The following TAB3 variants were observed in gnomAD, a reference collection of about 807,000 sequenced individuals.
TAB3 encodes TGF-beta activated kinase 1 (MAP3K7) binding protein 3, also known as TGF-beta-activated kinase 1 and MAP3K7-binding protein 3.
Under a neutral mutation model 48.1 loss-of-function variants are expected in TAB3, and 18 were observed. That is an observed-to-expected ratio of 0.37 (90% CI 0.26 to 0.55). TAB3 has a LOEUF of 0.55. TAB3 is among the 20% of genes least tolerant of loss of function. The pLI is 0.78. For synonymous variants in TAB3, 185 were observed against 190.2 expected (o/e 0.97, Z 0.22); for missense variants, 414 against 549.8 (o/e 0.75, Z 2.47).
Position 30,874,575 on chromosome X carries a change from T to C in TAB3, c.-382-2774A>G, listed in dbSNP as rs181629818. ...CAAGGGTATTTGACATTCACAGGCCTAACGTAAAATAATTGTTCAAGGCTA... is the reference window on the plus strand; with the variant it reads ...CAAGGGTATTTGACATTCACAGGCCCAACGTAAAATAATTGTTCAAGGCTA... On this transcript the variant is annotated intron_variant, in intron 1 of 10. Transcript: ENST00000288422. Among the ~76,000 whole-genome samples the C allele has an allele frequency of 3.0e-3, 340 of 112,177 alleles. 1 individual carries two copies. Among genetic ancestry groups the C allele is most frequent in the Middle Eastern group, 0.028 (6 of 217 alleles).
chrX:30,884,583 A>G lies in TAB3; in HGVS notation c.-383+4531T>C, dbSNP rs190639086. The stretch of plus-strand genomic sequence containing the variant: ...TACTGAAAGTCATTTTTCAAACGAA[A>G]GAGTGGTTTGGAAACCAAAAAAAAA... On this transcript the variant is annotated intron_variant, in intron 1 of 10. Coordinates refer to ENST00000288422, the MANE Select transcript of TAB3 (RefSeq NM_152787.5). Among the ~76,000 whole-genome samples, 430 of 110,222 alleles carry G rather than the reference A, an allele frequency of 3.9e-3. 2 individuals carry two copies. Among genetic ancestry groups the G allele is most frequent in the Middle Eastern group, 9.2e-3 (2 of 217 alleles).
chrX:30,844,542 TA>T (rs1938561185), intron 8 of TAB3: 1 of 112,456 alleles, frequency 8.9e-6, no homozygotes, highest in African/African-American at 3.2e-5. Context: ...ATAAGTATCC[TA>T]ACCAAATGTT....
chrX:30,830,014 A>C lies in TAB3; in HGVS notation c.*1413T>G, dbSNP rs752100495. 4 of 111,450 alleles carry C rather than the reference A, an allele frequency of 3.6e-5. No individual in the cohort carries two copies. Among genetic ancestry groups the C allele is most frequent in the African/African-American group, 9.8e-5 (3 of 30,666 alleles). 9.2% of individuals were successfully genotyped at this position (111,450 alleles called of 1,213,427 possible). ...CCAAAACTCCAATTCTGAGCTAAGA[A>C]GGAACTCCAACAATGGCAGAGACCT... On this transcript the variant is annotated 3_prime_UTR_variant, in exon 11 of 11. Coordinates refer to ENST00000288422, the MANE Select transcript of TAB3 (RefSeq NM_152787.5).
chrX:30,883,451 A>G (rs1397391137), intron 1 of TAB3, among the ~76,000 whole-genome samples: 1 of 110,582 alleles, frequency 9.0e-6, no homozygotes, highest in Non-Finnish European at 1.9e-5. Context: ...GAAGTTCTGT[A>G]AGTAATAGAA....
chrX:30,873,817 A>G (rs931327756), intron 1 of TAB3, among the ~76,000 whole-genome samples: 1 of 112,098 alleles, frequency 8.9e-6, no homozygotes, highest in African/African-American at 3.2e-5. Flanking sequence ...TTAATTGTTT[A>G]TATTACTGAT....
intron 9 of TAB3, chrX:30,836,336 T>C (rs1193064538): frequency 8.0e-5 from 9 of 111,841 alleles, no homozygotes; most frequent in Non-Finnish European, 1.3e-4. Flanking sequence ...CCTAGTCTCT[T>C]TTTTATTAGA....
At chrX:30,883,118 A>G (rs1940039377) in intron 1 of TAB3, among the ~76,000 whole-genome samples, 1 of 111,295 alleles carries the variant, frequency 9.0e-6, no homozygotes, top group Non-Finnish European at 1.9e-5. Context: ...TATTTCTCCA[A>G]CATTAAAAAA....
At position 30,828,352 on chromosome X, in the gene TAB3, C is replaced by G. The variant is rs1253849885; in HGVS notation, c.*3075G>C. The G allele has an allele frequency of 1.8e-5, 2 of 113,814 alleles. No homozygotes were observed. The highest frequency in any genetic ancestry group is 3.8e-5 in the Non-Finnish European group (2 of 53,295). The allele number at this position is 113,814 out of a possible 1,213,427, so 9.4% of individuals were successfully genotyped here. The stretch of plus-strand genomic sequence containing the variant: ...TGAGACCAGCTCCTTAAAAATTAAA[C>G]TGCTTATCACACTTCCCATTTCTTC... On this transcript the variant is annotated 3_prime_UTR_variant, in exon 11 of 11. Transcript: ENST00000288422.
chrX:30,858,602 A>C (rs138692777), intron 5 of TAB3, among the ~76,000 whole-genome samples: 1,992 of 112,295 alleles, frequency 0.018, 35 homozygotes, highest in African/African-American at 0.06. Context: ...GAGTTTGAAC[A>C]TGAGTACTGA....
Position 30,854,561 on chromosome X carries a change from A to G in TAB3, c.1104T>C (p.Ile368=). The G allele has an allele frequency of 1.7e-6, 2 of 1,210,880 alleles. No individual in the cohort carries two copies. The highest frequency in any genetic ancestry group is 2.2e-6 in the Non-Finnish European group (2 of 894,839). Residue 368 remains isoleucine (I), a synonymous_variant, in exon 6 of 11, where the codon ATT becomes ATC. Coordinates refer to ENST00000288422, the MANE Select transcript of TAB3 (RefSeq NM_152787.5). ...CAGGTCTTTGAGAAGGTTCAACTGT[A>G]ATTTCTATCTTCTTCATGGAACCTT... ...LSKGSMKKIE[I]TVEPSQRPGT...
intron 2 of TAB3, among the ~76,000 whole-genome samples, chrX:30,869,175 C>T (rs771140439): frequency 9.1e-6 from 1 of 110,358 alleles, no homozygotes; most frequent in Admixed American, 9.6e-5. Flanking sequence ...ATTCTCCTGC[C>T]TCAGCCTCCT....
chrX:30,850,837 C>T (rs1225991641), intron 7 of TAB3, among the ~76,000 whole-genome samples: 5 of 43,594 alleles, frequency 1.1e-4, no homozygotes, highest in Non-Finnish European at 2.2e-4. Flanking sequence ...TTCTCCACTT[C>T]CAATGAAAAA....
intron 1 of TAB3, among the ~76,000 whole-genome samples, chrX:30,881,772 A>G (rs1321282157): frequency 8.9e-6 from 1 of 111,733 alleles, no homozygotes; most frequent in East Asian, 2.8e-4. Flanking sequence ...AAGTTGGGTG[A>G]TTTCTTCAAG....
At position 30,854,656 on chromosome X, in the gene TAB3, G is replaced by T. The variant is rs929502747; in HGVS notation, c.1009C>A (p.Pro337Thr). ...CTTCCCTGTTTCTGATAGCTAGGAG[G>T]TCCTTGTTGATATGGATGGGGTGGA... Reference protein sequence around the residue: ...TTPPHPYQQGPPSYQKQGSHS... With the variant: ...TTPPHPYQQGTPSYQKQGSHS... The change falls in exon 6 of 11, where the codon CCT (proline) becomes ACT (threonine). Residue 337 changes from proline (P) to threonine (T), a missense_variant. By Grantham distance (38) the Pro-to-Thr change is conservative (BLOSUM62 -1). Transcript: ENST00000288422. 44 of 1,209,412 alleles carry T rather than the reference G, an allele frequency of 3.6e-5. No homozygotes were observed. The highest frequency in any genetic ancestry group is 4.6e-5 in the Non-Finnish European group (41 of 894,752).
In TAB3 at chrX:30,830,121, T is replaced by C. The variant is rs2147318259; in HGVS notation, c.*1306A>G. On this transcript the variant is annotated 3_prime_UTR_variant, in exon 11 of 11. Transcript: ENST00000288422. ...ATATCTCTTATCCGCACCCTGAAGT[T>C]CTATTTCATAAATAAGGAGTGCTTT... is the stretch of plus-strand genomic sequence containing the variant. The C allele has an allele frequency of 9.0e-6, 1 of 111,655 alleles. No individual in the cohort carries two copies. Among genetic ancestry groups the C allele is most frequent in the Non-Finnish European group, 1.9e-5 (1 of 53,146 alleles). 9.2% of individuals were successfully genotyped at this position (111,655 alleles called of 1,213,427 possible). A position where few individuals can be genotyped will look rare whatever the true frequency, so the allele number is the denominator to read the frequency against.
rs983657907 is a variant in TAB3 at position 30,829,843 on chromosome X, G to A, written c.*1584C>T. On this transcript the variant is annotated 3_prime_UTR_variant, in exon 11 of 11. Transcript: ENST00000288422. ...GAGATTACTGCTAAATTAGAAGTGG[G>A]GGGGCGGTGTAGGGGGGTTGGGGGA... 9.9e-6 allele frequency: 1 copy of A among 101,007 alleles called. No homozygotes were observed. Among genetic ancestry groups the A allele is most frequent in the African/African-American group, 3.6e-5 (1 of 27,814 alleles). The allele number at this position is 101,007 out of a possible 1,213,427, so 8.3% of individuals were successfully genotyped here. A position where few individuals can be genotyped will look rare whatever the true frequency, so the allele number is the denominator to read the frequency against.
intron 9 of TAB3, among the ~76,000 whole-genome samples, chrX:30,840,760 A>C (rs1345114481): frequency 9.0e-6 from 1 of 111,452 alleles, no homozygotes; most frequent in African/African-American, 3.3e-5. Flanking sequence ...AAACAGACTA[A>C]TACACCACAC....
At chrX:30,868,143 C>A (rs1244896105) in intron 2 of TAB3, among the ~76,000 whole-genome samples, 1 of 103,550 alleles carries the variant, frequency 9.7e-6, no homozygotes. Context: ...GTGATCCACC[C>A]ACCTGGGCCT....
At position 30,859,683 on chromosome X, in the gene TAB3, T is replaced by TA; in HGVS notation, c.-90-6_-90-5insT. 1 of 537,982 alleles carries TA rather than the reference T, an allele frequency of 1.9e-6. No homozygotes were observed. Among genetic ancestry groups the TA allele is most frequent in the Non-Finnish European group, 3.0e-6 (1 of 335,336 alleles). The allele number at this position is 537,982 out of a possible 1,213,427, so 44.3% of individuals were successfully genotyped here. ...TTCTAGCACCACAGTCATTTTCTAT[T>TA]TAAAAAAAAAAAAAAAGTATGGTTA... is the stretch of plus-strand genomic sequence containing the variant. On this transcript the variant is annotated splice_polypyrimidine_tract_variant and splice_region_variant and intron_variant, in intron 4 of 10. Transcript: ENST00000288422.
Sources: gnomAD v4.1 joint callset for allele counts (sites outside exome capture counted in the v4.1 genomes callset) on GRCh38, gnomAD v4.1.1 for gene constraint, MANE v1.5 for transcripts, NCBI Gene and HGNC (gene_info 2026-07-23, HGNC 2026-07-21) for gene names.